Variants in SDK1 observed in about 807,000 individuals in gnomAD.
SDK1 encodes protein sidekick-1.
In SDK1, 157 loss-of-function variants were observed where a neutral mutation model predicts 245.5. The observed-to-expected ratio is 0.64, with a 90% CI of 0.56 to 0.73. The LOEUF (loss-of-function observed/expected upper bound fraction) is 0.73, where lower values mean the gene tolerates loss of function less well. Among genes scored for constraint, SDK1 ranks in the 30% least tolerant of loss-of-function variants. SDK1 has a pLI of 0.00. For missense variants in SDK1, 3,583 were observed against 3,002.3 expected, an observed-to-expected ratio of 1.19 and a Z score of -4.52; for synonymous variants, 1,647 against 1,278.5, an observed-to-expected ratio of 1.29 and a Z score of -6.15.
At chr7:3,977,640 C>T (rs552960956) in intron 13 of SDK1, among the ~76,000 whole-genome samples, 10 of 152,354 alleles carry the variant, frequency 6.6e-5, no homozygotes, top group South Asian at 4.1e-4. Flanking sequence ...GCACTTCCTG[C>T]GGTTCAGTTA....
intron 5 of SDK1, among the ~76,000 whole-genome samples, chr7:3,841,491 A>G (rs1005610500): frequency 1.3e-5 from 2 of 152,184 alleles, no homozygotes; most frequent in Non-Finnish European, 2.9e-5. Context: ...TCTGGGCCCC[A>G]GTAGACACTG....
At chr7:3,806,049 G>A (rs1365052968) in intron 4 of SDK1, among the ~76,000 whole-genome samples, 1 of 152,066 alleles carries the variant, frequency 6.6e-6, no homozygotes, top group Non-Finnish European at 1.5e-5. Context: ...AATGCCCTGA[G>A]GTCAAAGACA....
At position 4,003,816 on chromosome 7, in the gene SDK1, A is replaced by G. The variant is rs191572711; in HGVS notation, c.2132-7150A>G. On this transcript the variant is annotated intron_variant, in intron 14 of 44. Transcript: ENST00000404826. ...GCTTATACTCAGTGTCTAGAGAGAC[A>G]GTCTGTTGTGGTGGAGGGGAGCCTC... is the stretch of plus-strand genomic sequence containing the variant. Among the ~76,000 whole-genome samples the G allele has an allele frequency of 6.0e-4, 91 of 152,378 alleles. 1 individual carries two copies. The highest frequency in any genetic ancestry group is 2.1e-3 in the African/African-American group (87 of 41,602).
At chr7:4,165,230 G>A (rs1255055900) in intron 32 of SDK1, among the ~76,000 whole-genome samples, 1 of 152,030 alleles carries the variant, frequency 6.6e-6, no homozygotes, top group Non-Finnish European at 1.5e-5. Flanking sequence ...GTGGTGATGG[G>A]CGCCTGTAAT....
chr7:4,113,440 G>C lies in SDK1; in HGVS notation c.3585+1G>C. On this transcript the variant is annotated splice_donor_variant, in intron 24 of 44. Coordinates refer to ENST00000404826, the MANE Select transcript of SDK1 (RefSeq NM_152744.4). LOFTEE classifies it high-confidence loss of function. The stretch of plus-strand genomic sequence containing the variant: ...GACCAGCCTGCGGCTTCGCTGGGTG[G>C]TGAGTGGGGGTGAGAAGGGAGGCTG... 2 of 1,613,526 alleles carry C rather than the reference G, an allele frequency of 1.2e-6. No individual in the cohort carries two copies. Among genetic ancestry groups the C allele is most frequent in the Non-Finnish European group, 1.7e-6 (2 of 1,179,972 alleles).
At chr7:3,975,914 T>TCC (rs1200986949) in intron 13 of SDK1, among the ~76,000 whole-genome samples, 1 of 146,436 alleles carries the variant, frequency 6.8e-6, no homozygotes, top group Non-Finnish European at 1.5e-5. Flanking sequence ...ACGTAGAGGG[T>TCC]CCTCCAGAGA....
At chr7:4,195,408 G>A (rs758206979) in intron 35 of SDK1, among the ~76,000 whole-genome samples, 3 of 152,070 alleles carry the variant, frequency 2.0e-5, no homozygotes, top group Non-Finnish European at 4.4e-5. Context: ...TTCTCTCTGG[G>A]GTTTCTTGGG....
Position 4,241,871 on chromosome 7 carries a change from A to T in SDK1, c.6209A>T (p.His2070Leu). 1 of 1,613,990 alleles carries T rather than the reference A, an allele frequency of 6.2e-7. No homozygotes were observed. Among genetic ancestry groups the T allele is most frequent in the Non-Finnish European group, 8.5e-7 (1 of 1,180,010 alleles). The change falls in exon 43 of 45, where the codon CAC becomes CTC. Residue 2070 changes from histidine to leucine, a missense_variant. His to Leu is a moderately conservative substitution (Grantham distance 99, BLOSUM62 -3). Transcript: ENST00000404826. ...GFAALELSSR[H>L]LNVKSTFSKK... ...GCTGCCCTGGAGCTCAGCAGCCGCC[A>T]CCTCAATGTCAAGAGCACCTTCTCC...
chr7:3,733,542 G>T (rs1260883310), intron 4 of SDK1, among the ~76,000 whole-genome samples: 2 of 152,156 alleles, frequency 1.3e-5, no homozygotes, highest in Non-Finnish European at 2.9e-5. Context: ...CTGTAGACGT[G>T]TGGCAGGCAT....
chr7:4,184,823 G>C (rs1435437255), intron 35 of SDK1, among the ~76,000 whole-genome samples: 3 of 152,160 alleles, frequency 2.0e-5, no homozygotes, highest in Admixed American at 1.3e-4. Flanking sequence ...CAGAGCCTGG[G>C]ACAGCTTCAG....
intron 1 of SDK1, among the ~76,000 whole-genome samples, chr7:3,539,426 G>A (rs1458009544): frequency 6.6e-6 from 1 of 152,104 alleles, no homozygotes; most frequent in Non-Finnish European, 1.5e-5. Flanking sequence ...AGGAAATGTT[G>A]GGCCTTTGCC....
rs201173308 is a variant in SDK1 at position 3,958,934 on chromosome 7, C to T, written c.1154C>T (p.Pro385Leu). Residue 385 changes from proline (P) to leucine (L), a missense_variant, in exon 8 of 45, where the codon CCA becomes CTA. Coordinates refer to ENST00000404826, the MANE Select transcript of SDK1 (RefSeq NM_152744.4). Reference protein sequence around the residue: ...RATAFLFIIEPPYFTAEPESR... With the variant: ...RATAFLFIIELPYFTAEPESR... Reference sequence around the variant, plus strand: ...TTTTTTATTTTCTTGTTTGAAGAGCCACCATATTTTACTGCTGAGCCCGAG... The same window carrying T: ...TTTTTTATTTTCTTGTTTGAAGAGCTACCATATTTTACTGCTGAGCCCGAG... The T allele has an allele frequency of 2.8e-5, 45 of 1,612,862 alleles. No individual in the cohort carries two copies. Among genetic ancestry groups the T allele is most frequent in the Non-Finnish European group, 3.6e-5 (42 of 1,179,136 alleles).
intron 1 of SDK1, among the ~76,000 whole-genome samples, chr7:3,577,843 C>T (rs779118181): frequency 6.6e-6 from 1 of 152,006 alleles, no homozygotes; most frequent in South Asian, 2.1e-4. Context: ...TCCTCATCTC[C>T]TGCATTGCCT....
rs114564273 is a variant in SDK1, at chr7:4,000,574, G to A, written c.2132-10392G>A. ...TAGGGAACCCGTCAGCCGTCTCCAC[G>A]CCGCTCTCCATGAAAGCTGCTCCTG... is the stretch of plus-strand genomic sequence containing the variant. On this transcript the variant is annotated intron_variant, in intron 14 of 44. Transcript: ENST00000404826. Among the ~76,000 whole-genome samples the A allele has an allele frequency of 3.7e-3, 559 of 152,258 alleles. 4 individuals are homozygous for A. Among genetic ancestry groups the A allele is most frequent in the African/African-American group, 0.012 (493 of 41,546 alleles).
At chr7:3,445,649 A>G (rs1562490707) in intron 1 of SDK1, among the ~76,000 whole-genome samples, 2 of 152,168 alleles carry the variant, frequency 1.3e-5, no homozygotes, top group South Asian at 4.1e-4. Context: ...TACAATGTAT[A>G]TGTGTGGTTC....
chr7:3,478,924 C>G (rs76989343), intron 1 of SDK1, among the ~76,000 whole-genome samples: 1 of 151,892 alleles, frequency 6.6e-6, no homozygotes, highest in Non-Finnish European at 1.5e-5. Context: ...ATGATTTCTT[C>G]TTTAATCAGT....
intron 5 of SDK1, among the ~76,000 whole-genome samples, chr7:3,865,227 T>C (rs1014264410): frequency 2.0e-5 from 3 of 151,134 alleles, no homozygotes; most frequent in African/African-American, 4.9e-5. Context: ...GGGCTGGAGG[T>C]TGTGGAAGCA....
chr7:3,401,315 T>G (rs1778881386), intron 1 of SDK1, among the ~76,000 whole-genome samples: 1 of 152,138 alleles, frequency 6.6e-6, no homozygotes, highest in East Asian at 1.9e-4. Context: ...AATGGAAAGG[T>G]AACTGATAAC....
intron 4 of SDK1, among the ~76,000 whole-genome samples, chr7:3,648,806 C>G (rs79076297): frequency 1.1e-4 from 17 of 152,224 alleles, no homozygotes; most frequent in African/African-American, 3.9e-4. Flanking sequence ...GTAAAACAGA[C>G]GAGTAGATAC....
Sources: allele counts gnomAD v4.1 joint callset (sites outside exome capture counted in the v4.1 genomes callset), GRCh38; gene constraint gnomAD v4.1.1; transcripts MANE v1.5; gene names NCBI Gene and HGNC (gene_info 2026-07-23, HGNC 2026-07-21).